AATK: variants seen among roughly 807,000 people sequenced by gnomAD.
The protein encoded by AATK is lemur tail kinase 1, also known as serine/threonine-protein kinase LMTK1.
AATK carries 91 observed loss-of-function variants against 114.3 expected under a neutral mutation model. That is an observed-to-expected ratio of 0.80 (90% CI 0.67 to 0.95). AATK has a LOEUF of 0.95. AATK is among the 40% of genes least tolerant of loss of function. AATK has a pLI of 0.00. For synonymous variants in AATK, 1,075 were observed against 916.5 expected (o/e 1.17, Z -3.12); for missense variants, 2,176 against 1,965.2 (o/e 1.11, Z -2.03).
chr17:81,160,274 G>A, intron 1 of AATK: 2 of 985,160 alleles, frequency 2.0e-6, no homozygotes, highest in Non-Finnish European at 2.4e-6. Flanking sequence ...TCTGACCGTG[G>A]CTGTAACCCC....
At chr17:81,159,433 A>C (rs2061404708) in intron 1 of AATK, among the ~76,000 whole-genome samples, 1 of 152,032 alleles carries the variant, frequency 6.6e-6, no homozygotes. Context: ...CAATGCGGGG[A>C]AGCCCCGGAC....
rs1311932259 is a variant in AATK, at chr17:81,126,562, T to G, written c.622-2A>C. 1 of 1,539,004 alleles carries G rather than the reference T, an allele frequency of 6.5e-7. No individual in the cohort carries two copies. Among genetic ancestry groups the G allele is most frequent in the East Asian group, 2.5e-5 (1 of 40,528 alleles). On this transcript the variant is annotated splice_acceptor_variant, in intron 6 of 13. Coordinates refer to ENST00000326724, the MANE Select transcript of AATK (RefSeq NM_001080395.3). LOFTEE classifies it high-confidence loss of function. The surrounding 1 kb of genome is among the most constrained non-coding windows in gnomAD (Gnocchi z 5.1). ...CCGCAGGTAGCCCTTGAGGTCCCCC[T>G]GCAGAAAGGGGGTGTGGCGCAGTCA...
intron 1 of AATK, among the ~76,000 whole-genome samples, 160 bp from the exon 2 acceptor site, chr17:81,134,661 A>G (rs1232350185): frequency 6.6e-6 from 1 of 152,206 alleles, no homozygotes; most frequent in Admixed American, 6.5e-5. Context: ...CAGTGTGGCG[A>G]GGAGGTGGCC....
In AATK at chr17:81,118,153, G is replaced by A. The variant is rs779150784; in HGVS notation, c.*249C>T. 1.1e-4 allele frequency: 58 copies of A among 537,754 alleles called. No individual in the cohort carries two copies. The highest frequency in any genetic ancestry group is 1.4e-4 in the Non-Finnish European group (41 of 299,654). The allele number at this position is 537,754 out of a possible 1,614,324, so 33.3% of individuals were successfully genotyped here. Reference sequence around the variant, plus strand: ...ACAGACACCCACTGTGGCTCCAGGCGCCCCCAGGGGCTAGCAGCAAGCCTA... The same window carrying A: ...ACAGACACCCACTGTGGCTCCAGGCACCCCCAGGGGCTAGCAGCAAGCCTA... On this transcript the variant is annotated 3_prime_UTR_variant, in exon 14 of 14. Transcript: ENST00000326724.
intron 1 of AATK, among the ~76,000 whole-genome samples, chr17:81,138,373 ACACACGGG>A (rs1459929182): frequency 6.8e-6 from 1 of 146,536 alleles, no homozygotes; most frequent in Non-Finnish European, 1.5e-5. Flanking sequence ...ACTCCCATGG[ACACACGGG>A]CACACGTGCA....
At chr17:81,138,745 A>C (rs2061072264) in intron 1 of AATK, among the ~76,000 whole-genome samples, 1 of 146,008 alleles carries the variant, frequency 6.8e-6, no homozygotes, top group Non-Finnish European at 1.5e-5. Context: ...GCACACAGAT[A>C]CCAACACGCG....
chr17:81,132,294 G>A (rs2060945484), intron 2 of AATK, among the ~76,000 whole-genome samples: 1 of 152,224 alleles, frequency 6.6e-6, no homozygotes, highest in South Asian at 2.1e-4. Context: ...CACCCGGGCT[G>A]GTGAGTCCGA....
rs377332882 is a variant in AATK at position 81,138,182 on chromosome 17, CAT to C, written c.56-3683_56-3682del. Among the ~76,000 whole-genome samples, 233 of 151,488 alleles carry C rather than the reference CAT, an allele frequency of 1.5e-3. 5 individuals carry two copies. The highest frequency in any genetic ancestry group is 0.01 in the Middle Eastern group (3 of 292). On this transcript the variant is annotated intron_variant, in intron 1 of 13. Coordinates refer to ENST00000326724, the MANE Select transcript of AATK (RefSeq NM_001080395.3). ...ACATGCACACACACACTTACCCACA[CAT>C]GCGTGCACACACACACACACCCCCA... is the stretch of plus-strand genomic sequence containing the variant.
chr17:81,145,916 G>A (rs1390399967), intron 1 of AATK, among the ~76,000 whole-genome samples: 5 of 151,540 alleles, frequency 3.3e-5, no homozygotes, highest in East Asian at 2.0e-4. Flanking sequence ...GACTGAGCGC[G>A]GTGGCTCACA....
In AATK at chr17:81,121,709, G is replaced by C; in HGVS notation, c.2227C>G (p.Pro743Ala). The C allele has an allele frequency of 6.7e-7, 1 of 1,494,174 alleles. No homozygotes were observed. The highest frequency in any genetic ancestry group is 1.3e-5 in the South Asian group (1 of 77,506). The allele number at this position is 1,494,174 out of a possible 1,614,324, so 92.6% of individuals were successfully genotyped here. A position where few individuals can be genotyped will look rare whatever the true frequency, so the allele number is the denominator to read the frequency against. The change falls in exon 11 of 14, where the codon CCC (proline) becomes GCC (alanine). Residue 743 changes from proline to alanine, a missense_variant. Transcript: ENST00000326724. ...GCAGAGCATAGATGAGGGAGGCCGG[G>C]GCAGCAGCCTGGCTCCTGGGCAGAG... ...AASAQEPGCC[P>A]GLPHLCSAQG...
At chr17:81,160,333 C>A in intron 1 of AATK, 1 of 850,888 alleles carries the variant, frequency 1.2e-6, no homozygotes, top group Non-Finnish European at 1.4e-6. Flanking sequence ...CACCCAAGGC[C>A]GCAGCCCCCT....
chr17:81,121,207 G>T lies in AATK; in HGVS notation c.2729C>A (p.Ser910Tyr). The T allele has an allele frequency of 6.2e-7, 1 of 1,604,828 alleles. No homozygotes were observed. The highest frequency in any genetic ancestry group is 8.5e-7 in the Non-Finnish European group (1 of 1,176,172). The change falls in exon 11 of 14, where the codon TCC becomes TAC. Residue 910 changes from serine to tyrosine, a missense_variant. Ser to Tyr is a moderately radical substitution (Grantham distance 144, BLOSUM62 -2). Transcript: ENST00000326724. ...CTCATAGCCACCATCACTGGCTGAG[G>T]ACGGGATGTCCAGGGAGTCCAGGGA... ...PDSLDSLDIP[S>Y]SASDGGYEVF...
intron 1 of AATK, 163 bp downstream of exon 1, chr17:81,165,775 C>T (rs1239809795): frequency 1.1e-5 from 17 of 1,508,342 alleles, no homozygotes; most frequent in Non-Finnish European, 1.5e-5. Context: ...GGGCCTGCCC[C>T]TCCGAGATCT....
At chr17:81,151,253 C>CCA (rs1239491866) in intron 1 of AATK, among the ~76,000 whole-genome samples, 1 of 150,942 alleles carries the variant, frequency 6.6e-6, no homozygotes, top group Non-Finnish European at 1.5e-5. Context: ...CAGCCAAGCC[C>CCA]CACCTGCACA....
intron 1 of AATK, among the ~76,000 whole-genome samples, chr17:81,158,458 T>G (rs1385300690): frequency 6.6e-6 from 1 of 152,222 alleles, no homozygotes; most frequent in Non-Finnish European, 1.5e-5. Context: ...CTGCCGCAAG[T>G]GCTCTCACCT....
At chr17:81,155,705 T>A (rs934382073) in intron 1 of AATK, among the ~76,000 whole-genome samples, 20 of 151,116 alleles carry the variant, frequency 1.3e-4, no homozygotes, top group East Asian at 3.9e-4. Flanking sequence ...TTTTTTTTTT[T>A]AATAAGGTCT....
intron 1 of AATK, among the ~76,000 whole-genome samples, chr17:81,139,789 AC>A (rs1217999043): frequency 9.9e-5 from 15 of 152,284 alleles, no homozygotes; most frequent in African/African-American, 3.4e-4. Flanking sequence ...CTCCTCTGCA[AC>A]TGGGCTGGAG....
chr17:81,152,252 T>G (rs995510367), intron 1 of AATK, among the ~76,000 whole-genome samples: 1 of 152,078 alleles, frequency 6.6e-6, no homozygotes, highest in South Asian at 2.1e-4. Flanking sequence ...TACTCCAACC[T>G]GAGAAGAAAG....
intron 1 of AATK, among the ~76,000 whole-genome samples, chr17:81,147,905 T>G (rs60780072): frequency 0.026 from 3,904 of 152,164 alleles, 123 homozygotes; most frequent in East Asian, 0.18. Context: ...GATGTGCATA[T>G]ACATATTTGA....
Sources: gnomAD v4.1 joint callset for allele counts (sites outside exome capture counted in the v4.1 genomes callset) on GRCh38, gnomAD v4.1.1 for gene constraint, Gnocchi (gnomAD v3.1) non-coding constraint, MANE v1.5 for transcripts, NCBI Gene and HGNC (gene_info 2026-07-23, HGNC 2026-07-21) for gene names.